RGS7: variants seen among roughly 807,000 people sequenced by gnomAD.
The protein encoded by RGS7 is regulator of G-protein signaling 7.
RGS7 carries 27 observed loss-of-function variants against 81.1 expected under a neutral mutation model. The observed-to-expected ratio is 0.33, with a 90% CI of 0.25 to 0.46. The LOEUF is 0.46. RGS7 is among the 20% of genes least tolerant of loss of function. The pLI is 1.00. For missense variants in RGS7, 396 were observed against 607.4 expected, an observed-to-expected ratio of 0.65 and a Z score of 3.66; for synonymous variants, 208 against 207.7, an observed-to-expected ratio of 1.00 and a Z score of -0.01.
intron 4 of RGS7, among the ~76,000 whole-genome samples, chr1:240,962,010 C>A (rs189835488): frequency 7.9e-5 from 12 of 152,206 alleles, no homozygotes; most frequent in African/African-American, 2.9e-4. Context: ...TTCCTAAGTG[C>A]GACCTTATTG....
chr1:241,198,048 T>A (rs749776851), intron 2 of RGS7, among the ~76,000 whole-genome samples: 1 of 151,828 alleles, frequency 6.6e-6, no homozygotes, highest in African/African-American at 2.4e-5. Context: ...AACCTAGAAA[T>A]GGGTAAGAAA....
intron 14 of RGS7, 103 bp downstream of exon 14, chr1:240,811,815 T>C (rs1689899917): frequency 2.8e-6 from 3 of 1,056,374 alleles, no homozygotes; most frequent in Non-Finnish European, 4.4e-6. Context: ...ATGACATCAT[T>C]ATGATGTTAG....
Position 241,267,599 on chromosome 1 carries a change from A to C in RGS7, c.78+88100T>G, listed in dbSNP as rs2077660000. 2.6e-5 allele frequency among the ~76,000 whole-genome samples: 4 copies of C among 152,024 alleles called. No individual in the cohort carries two copies. In the South Asian group the frequency reaches 6.2e-4, roughly 24 times the overall value. ...TTTCTCCCCCTTATTATCTCTCTCT[A>C]TACGTAGAACTTCCAGTGATCACAT... On this transcript the variant is annotated intron_variant, in intron 2 of 18. Coordinates refer to ENST00000440928, the MANE Select transcript of RGS7 (RefSeq NM_001364886.1).
chr1:240,886,918 T>C (rs2446621), intron 6 of RGS7, among the ~76,000 whole-genome samples: 71,695 of 151,976 alleles, frequency 0.47, 17,087 homozygotes, highest in East Asian at 0.53. Flanking sequence ...GGCCCATGAG[T>C]TTGAAGACCT....
chr1:240,872,420 C>G (rs895706366), intron 6 of RGS7, among the ~76,000 whole-genome samples: 2 of 152,036 alleles, frequency 1.3e-5, no homozygotes, highest in African/African-American at 4.8e-5. Flanking sequence ...GATTGCACCA[C>G]TGCACTCCAG....
Position 240,897,133 on chromosome 1 carries a change from A to T in RGS7, c.386-27014T>A, listed in dbSNP as rs151093618. On this transcript the variant is annotated intron_variant, in intron 6 of 18. Transcript: ENST00000440928. Reference sequence around the variant, plus strand: ...TGTGATTTTTGTACATTGATTTTATATCCTGAGACTTTGCTCAATTTGCTT... The same window carrying T: ...TGTGATTTTTGTACATTGATTTTATTTCCTGAGACTTTGCTCAATTTGCTT... Among the ~76,000 whole-genome samples, 869 of 152,306 alleles carry T rather than the reference A, an allele frequency of 5.7e-3. 11 individuals carry two copies. Among genetic ancestry groups the T allele is most frequent in the African/African-American group, 0.02 (822 of 41,566 alleles).
At chr1:241,078,485 A>ATGTGTGTGTGTGTGTGTGTG (rs60742879) in intron 3 of RGS7, among the ~76,000 whole-genome samples, 4 of 143,564 alleles carry the variant, frequency 2.8e-5, no homozygotes, top group African/African-American at 5.2e-5. Flanking sequence ...CACGTAAGTT[A>ATGTGTGTGTGTGTGTGTGTG]TGTGTGTGTG....
intron 2 of RGS7, among the ~76,000 whole-genome samples, chr1:241,149,975 T>C (rs953738435): frequency 6.6e-6 from 1 of 152,050 alleles, no homozygotes; most frequent in Non-Finnish European, 1.5e-5. Context: ...GGTTTCACCA[T>C]GTTGGCTAGG....
intron 9 of RGS7, among the ~76,000 whole-genome samples, chr1:240,856,604 A>G (rs970400898): frequency 6.6e-6 from 1 of 151,972 alleles, no homozygotes; most frequent in Non-Finnish European, 1.5e-5. Context: ...ACGATATTTT[A>G]TCATATACTT....
In RGS7 at chr1:241,197,277, C is replaced by T. The variant is rs1455200001; in HGVS notation, c.79-98515G>A. On this transcript the variant is annotated intron_variant, in intron 2 of 18. Coordinates refer to ENST00000440928, the MANE Select transcript of RGS7 (RefSeq NM_001364886.1). ...TTTTTTTTTTTTTTTTTTTTTGAGA[C>T]GGAGTCTCGCTCTGTCGCCCAGGCT... 1.2e-3 allele frequency among the ~76,000 whole-genome samples: 5 copies of T among 4,136 alleles called. 1 individual carries two copies. The highest frequency in any genetic ancestry group is 2.9e-3 in the African/African-American group (5 of 1,716). 2.7% of individuals were successfully genotyped at this position (4,136 alleles called of 152,430 possible).
At chr1:240,807,188 T>C (rs1046013945) in intron 14 of RGS7, among the ~76,000 whole-genome samples, 10 of 152,182 alleles carry the variant, frequency 6.6e-5, no homozygotes, top group African/African-American at 9.7e-5. Context: ...GGGGCCACAT[T>C]GTATTAATCG....
At chr1:241,338,993 C>T (rs1036116237) in intron 2 of RGS7, among the ~76,000 whole-genome samples, 3 of 151,992 alleles carry the variant, frequency 2.0e-5, no homozygotes, top group African/African-American at 7.3e-5. Context: ...AACTCATCAC[C>T]TAGGTATTAA....
At chr1:240,889,450 T>C (rs1039677781) in intron 6 of RGS7, among the ~76,000 whole-genome samples, 2 of 152,036 alleles carry the variant, frequency 1.3e-5, no homozygotes, top group African/African-American at 2.4e-5. Flanking sequence ...GGAGAGGTTA[T>C]GTCAGGGCTG....
chr1:241,279,483 T>C (rs974286184), intron 2 of RGS7, among the ~76,000 whole-genome samples: 1 of 152,232 alleles, frequency 6.6e-6, no homozygotes, highest in African/African-American at 2.4e-5. Flanking sequence ...GTCCTATATA[T>C]TTTTTGTATT....
chr1:241,330,823 A>G (rs989580340), intron 2 of RGS7, among the ~76,000 whole-genome samples: 1 of 152,156 alleles, frequency 6.6e-6, no homozygotes, highest in Non-Finnish European at 1.5e-5. Flanking sequence ...AAAACTACCT[A>G]TTGGGTACTA....
At chr1:240,996,178 A>T (rs1687257980) in intron 3 of RGS7, among the ~76,000 whole-genome samples, 1 of 152,104 alleles carries the variant, frequency 6.6e-6, no homozygotes, top group South Asian at 2.1e-4. Flanking sequence ...TCTGTTTTTT[A>T]AAACTTATTA....
At chr1:241,153,953 G>T (rs1351257923) in intron 2 of RGS7, among the ~76,000 whole-genome samples, 1 of 152,246 alleles carries the variant, frequency 6.6e-6, no homozygotes, top group Middle Eastern at 3.4e-3. Flanking sequence ...TCTATTTTTT[G>T]AGTTCTGTAA....
chr1:241,219,356 C>T (rs1458228499), intron 2 of RGS7, among the ~76,000 whole-genome samples: 1 of 152,294 alleles, frequency 6.6e-6, no homozygotes, highest in African/African-American at 2.4e-5. Context: ...CCATATAAGA[C>T]GTGACGTGAT....
rs1352448762 is a variant in RGS7, at chr1:240,832,903, A to T, written c.610-5731T>A. Among the ~76,000 whole-genome samples, 4 of 152,122 alleles carry T rather than the reference A, an allele frequency of 2.6e-5. No homozygotes were observed. In the East Asian group the frequency reaches 7.7e-4, roughly 29 times the overall value. On this transcript the variant is annotated intron_variant, in intron 9 of 18. Coordinates refer to ENST00000440928, the MANE Select transcript of RGS7 (RefSeq NM_001364886.1). ...CATAGTCCCCCCTTATCCTGGGGGG[A>T]TATGTTTTACTACTGCCCACCCCCA...
Sources: gnomAD v4.1 joint callset for allele counts (sites outside exome capture counted in the v4.1 genomes callset) on GRCh38, gnomAD v4.1.1 for gene constraint, MANE v1.5 for transcripts, NCBI Gene and HGNC (gene_info 2026-07-23, HGNC 2026-07-21) for gene names.